PCDHGA1: variants seen among roughly 807,000 people sequenced by gnomAD.
The protein encoded by PCDHGA1 is protocadherin gamma-A1.
PCDHGA1 carries 32 observed loss-of-function variants against 58.0 expected under a neutral mutation model. The ratio of observed to expected loss-of-function variants is 0.55; its 90% CI spans 0.42 to 0.74. PCDHGA1 has a LOEUF of 0.74. Among genes scored for constraint, PCDHGA1 ranks in the 30% least tolerant of loss-of-function variants. PCDHGA1 has a pLI of 0.00. For synonymous variants in PCDHGA1, 498 were observed against 501.1 expected (o/e 0.99, Z 0.08); for missense variants, 1,205 against 1,182.3 (o/e 1.02, Z -0.28).
At chr5:141,350,781 A>T (rs1758557534) in intron 1 of PCDHGA1, 1 of 1,613,834 alleles carries the variant, frequency 6.2e-7, no homozygotes. Flanking sequence ...CCCAATCAAT[A>T]CTTCTCTCTG....
chr5:141,420,187 CA>C (rs779974762), intron 1 of PCDHGA1: 25 of 1,613,706 alleles, frequency 1.5e-5, no homozygotes, highest in Non-Finnish European at 2.1e-5. Flanking sequence ...ATTGTCCAGC[CA>C]CACAAGATAA....
rs201850389 is a variant in PCDHGA1, at chr5:141,371,846, T to A, written c.2421+38741T>A. 284 of 1,613,662 alleles carry A rather than the reference T, an allele frequency of 1.8e-4. 1 individual carries two copies. Among genetic ancestry groups the A allele is most frequent in the Admixed American group, 2.0e-4 (12 of 60,036 alleles). On this transcript the variant is annotated intron_variant, in intron 1 of 3. Coordinates refer to ENST00000517417, the MANE Select transcript of PCDHGA1 (RefSeq NM_018912.3). Reference sequence around the variant, plus strand: ...CCTCGGATCCCGACTTGGGACCTAATGGCCTTGTCTCCTACTACATCGTGG... The same window carrying A: ...CCTCGGATCCCGACTTGGGACCTAAAGGCCTTGTCTCCTACTACATCGTGG...
Position 141,330,804 on chromosome 5 carries a change from C to A in PCDHGA1, c.120C>A (p.Asp40Glu). Residue 40 changes from aspartate (D) to glutamate (E), a missense_variant, in exon 1 of 4, where the codon GAC becomes GAA. Coordinates refer to ENST00000517417, the MANE Select transcript of PCDHGA1 (RefSeq NM_018912.3). ...ACTACTCAGTGCCGGAAGAGACAGACAAAGGTTCCTTCGTAGGCAACATCG... is the reference window on the plus strand; with the variant it reads ...ACTACTCAGTGCCGGAAGAGACAGAAAAAGGTTCCTTCGTAGGCAACATCG... ...NIHYSVPEET[D>E]KGSFVGNIAK... 3 of 1,614,180 alleles carry A rather than the reference C, an allele frequency of 1.9e-6. No individual in the cohort carries two copies. Among genetic ancestry groups the A allele is most frequent in the Non-Finnish European group, 1.7e-6 (2 of 1,180,040 alleles).
intron 1 of PCDHGA1, chr5:141,399,976 C>A (rs759278103): frequency 1.2e-6 from 2 of 1,612,122 alleles, no homozygotes; most frequent in African/African-American, 2.7e-5. Context: ...CAGCCTGGGG[C>A]TGCGCACAGG....
chr5:141,402,770 G>A (rs1381501918), intron 1 of PCDHGA1, among the ~76,000 whole-genome samples: 1 of 152,154 alleles, frequency 6.6e-6, no homozygotes, highest in Non-Finnish European at 1.5e-5. Context: ...GACTCCATCC[G>A]GATTTCCAGT....
At position 141,430,974 on chromosome 5, in the gene PCDHGA1, C is replaced by T. The variant is rs141488923; in HGVS notation, c.2422-63833C>T. The T allele has an allele frequency of 7.0e-4, 1,130 of 1,613,070 alleles. 8 individuals carry two copies. In the African/African-American group the frequency reaches 0.014, roughly 19 times the overall value. On this transcript the variant is annotated intron_variant, in intron 1 of 3. Transcript: ENST00000517417. ...GTCCGCATCATCCCCAGAGGTAGGA[C>T]GCAGCTTTTCGCCCTGAATCCGCGC...
intron 1 of PCDHGA1, chr5:141,360,485 T>C (rs751812912): frequency 1.2e-6 from 2 of 1,613,990 alleles, no homozygotes; most frequent in East Asian, 4.5e-5. Flanking sequence ...CTAAATATTT[T>C]CTACATAGCA....
intron 1 of PCDHGA1, chr5:141,492,079 G>A (rs1400390407): frequency 4.1e-6 from 2 of 486,168 alleles, no homozygotes; most frequent in African/African-American, 2.0e-5. Context: ...CGCCGGCTCC[G>A]GCACGCTTCG....
Position 141,343,308 on chromosome 5 carries a change from T to C in PCDHGA1, c.2421+10203T>C, listed in dbSNP as rs1483279931. On this transcript the variant is annotated intron_variant, in intron 1 of 3. Transcript: ENST00000517417. ...AAATATAATGTATAAATATGGCTGA[T>C]TTCTGTGTGTTTCTTTTCTTTTTTT... 3 of 973,506 alleles carry C rather than the reference T, an allele frequency of 3.1e-6. No individual in the cohort carries two copies. The African/African-American group carries it at 5.3e-5, about 17-fold the overall frequency. 60.3% of individuals were successfully genotyped at this position (973,506 alleles called of 1,614,324 possible).
intron 1 of PCDHGA1, among the ~76,000 whole-genome samples, chr5:141,438,606 A>G: frequency 3.6e-5 from 1 of 27,780 alleles, no homozygotes; most frequent in African/African-American, 2.7e-4. Flanking sequence ...ATATATATAT[A>G]TATATATATA....
At chr5:141,376,807 C>T in intron 1 of PCDHGA1, 1 of 328,760 alleles carries the variant, frequency 3.0e-6, no homozygotes, top group Admixed American at 4.7e-5. Context: ...CTGCCTCAGC[C>T]TCCCTAGTAG....
At chr5:141,351,106 A>C (rs1258132619) in intron 1 of PCDHGA1, 1 of 1,614,066 alleles carries the variant, frequency 6.2e-7, no homozygotes, top group East Asian at 2.2e-5. Flanking sequence ...TCAATTCCCC[A>C]ATAAGTACCA....
chr5:141,393,187 A>T (rs1327222319), intron 1 of PCDHGA1: 1 of 1,613,380 alleles, frequency 6.2e-7, no homozygotes, highest in East Asian at 2.2e-5. Flanking sequence ...GAAATAATTG[A>T]TATTAACGAT....
intron 1 of PCDHGA1, chr5:141,370,892 G>C: frequency 6.2e-7 from 1 of 1,613,936 alleles, no homozygotes; most frequent in Non-Finnish European, 8.5e-7. Flanking sequence ...GTGTCAATTC[G>C]CTGCAGCAGT....
chr5:141,462,243 A>C (rs141980823), intron 1 of PCDHGA1, among the ~76,000 whole-genome samples: 70 of 152,368 alleles, frequency 4.6e-4, no homozygotes, highest in African/African-American at 1.6e-3. Flanking sequence ...TACAGGTATG[A>C]GCCACCATGA....
chr5:141,447,885 A>T (rs2098554278), intron 1 of PCDHGA1, among the ~76,000 whole-genome samples: 1 of 152,134 alleles, frequency 6.6e-6, no homozygotes, highest in Admixed American at 6.6e-5. Context: ...CAGGAGTTCG[A>T]GACCAGCCTG....
intron 1 of PCDHGA1, chr5:141,392,226 A>C (rs1468453380): frequency 1.3e-5 from 2 of 152,228 alleles, no homozygotes; most frequent in Non-Finnish European, 2.9e-5. Flanking sequence ...GTGACAACTG[A>C]AGTTCTTAGT....
rs781367282 is a variant in PCDHGA1 at position 141,485,525 on chromosome 5, C to G, written c.2422-9282C>G. On this transcript the variant is annotated intron_variant, in intron 1 of 3. Transcript: ENST00000517417. This position sits in a 1 kb window ranked among gnomAD's most constrained non-coding sequence, Gnocchi z 5.7. ...CACCGAAGGTCCTTTGGAAATGTAC[C>G]GAGCAGAGGTAGAGATCGTAGATGT... is the stretch of plus-strand genomic sequence containing the variant. 5 of 1,614,122 alleles carry G rather than the reference C, an allele frequency of 3.1e-6. No homozygotes were observed. The highest frequency in any genetic ancestry group is 2.5e-6 in the Non-Finnish European group (3 of 1,180,022).
intron 1 of PCDHGA1, chr5:141,427,780 TGTCGTCCTAC>T (rs892399327): frequency 8.9e-6 from 13 of 1,455,886 alleles, no homozygotes; most frequent in Middle Eastern, 1.7e-4. Context: ...CTGCGGGCAC[TGTCGTCCTAC>T]GTGTCCGTGA....
Sources: allele counts gnomAD v4.1 joint callset (sites outside exome capture counted in the v4.1 genomes callset), GRCh38; gene constraint gnomAD v4.1.1; non-coding constraint Gnocchi (gnomAD v3.1); transcripts MANE v1.5; gene names NCBI Gene and HGNC (gene_info 2026-07-23, HGNC 2026-07-21).